The following EEFSEC variants were observed in gnomAD, a reference collection of about 807,000 sequenced individuals.
EEFSEC encodes eukaryotic elongation factor, selenocysteine-tRNA specific.
Under a neutral mutation model 42.1 loss-of-function variants are expected in EEFSEC, and 43 were observed. That is an observed-to-expected ratio of 1.02 (90% CI 0.80 to 1.32). EEFSEC has a LOEUF of 1.32. Ranked by LOEUF, EEFSEC falls within the 40% of genes most tolerant of loss-of-function variation. The pLI is 0.00. For synonymous variants in EEFSEC, 354 were observed against 339.1 expected, an observed-to-expected ratio of 1.04 and a Z score of -0.48; for missense variants, 745 against 803.6, an observed-to-expected ratio of 0.93 and a Z score of 0.88.
intron 6 of EEFSEC, among the ~76,000 whole-genome samples, chr3:128,403,760 G>A (rs2068075830): frequency 6.6e-6 from 1 of 152,134 alleles, no homozygotes; most frequent in African/African-American, 2.4e-5. Flanking sequence ...TCTATGGCTG[G>A]TCCCCGTCAT....
chr3:128,416,189 G>GA, the EEFSEC span, among the ~76,000 whole-genome samples: 1 of 152,150 alleles, frequency 6.6e-6, no homozygotes, highest in African/African-American at 2.4e-5. Context: ...GCCCACCGGA[G>GA]AAGCACCCAC....
At chr3:128,164,217 A>G (rs2065222815) in intron 1 of EEFSEC, among the ~76,000 whole-genome samples, 1 of 152,164 alleles carries the variant, frequency 6.6e-6, no homozygotes, top group Non-Finnish European at 1.5e-5. Context: ...TACACGTTGC[A>G]TGGCTTTGTT....
chr3:128,342,885 C>T (rs570501695), intron 5 of EEFSEC, among the ~76,000 whole-genome samples: 61 of 152,346 alleles, frequency 4.0e-4, no homozygotes, highest in African/African-American at 1.4e-3. Context: ...AATCCATGCC[C>T]ATCGGGCCTT....
At chr3:128,351,876 G>A (rs1017524417) in intron 5 of EEFSEC, among the ~76,000 whole-genome samples, 1 of 152,186 alleles carries the variant, frequency 6.6e-6, no homozygotes, top group Non-Finnish European at 1.5e-5. Context: ...CCCACTTAGC[G>A]CCATTGTTGT....
intron 1 of EEFSEC, among the ~76,000 whole-genome samples, chr3:128,233,649 A>G (rs2065980487): frequency 6.6e-6 from 1 of 152,216 alleles, no homozygotes; most frequent in South Asian, 2.1e-4. Context: ...TACATTAGAT[A>G]GGTCCCTACC....
At chr3:128,396,335 C>T (rs1235712400) in intron 6 of EEFSEC, among the ~76,000 whole-genome samples, 1 of 152,204 alleles carries the variant, frequency 6.6e-6, no homozygotes, top group Non-Finnish European at 1.5e-5. Flanking sequence ...GACATGTGAT[C>T]TCTTCTCTGC....
intron 1 of EEFSEC, among the ~76,000 whole-genome samples, chr3:128,187,232 T>C (rs2107798503): frequency 6.6e-6 from 1 of 152,356 alleles, no homozygotes; most frequent in African/African-American, 2.4e-5. Context: ...TGATATTTAA[T>C]TGGTTCAGGG....
chr3:128,194,323 C>T (rs868408015), intron 1 of EEFSEC, among the ~76,000 whole-genome samples: 4 of 152,138 alleles, frequency 2.6e-5, no homozygotes, highest in Non-Finnish European at 1.5e-5. Flanking sequence ...TGTCCTGAGG[C>T]CATTGTTCTT....
At chr3:128,392,203 C>T (rs1030192515) in intron 6 of EEFSEC, among the ~76,000 whole-genome samples, 1 of 152,176 alleles carries the variant, frequency 6.6e-6, no homozygotes, top group African/African-American at 2.4e-5. Context: ...GGGAGTTAGG[C>T]AGAAGAGACC....
chr3:128,231,038 A>G (rs1455642876), intron 1 of EEFSEC, among the ~76,000 whole-genome samples: 2 of 152,110 alleles, frequency 1.3e-5, no homozygotes, highest in Non-Finnish European at 2.9e-5. Context: ...TTCTAGCTAT[A>G]GGACTGCACT....
At chr3:128,297,770 T>TAA (rs10634924) in intron 4 of EEFSEC, among the ~76,000 whole-genome samples, 127,463 of 152,116 alleles carry the variant, frequency 0.84, 53,903 homozygotes, top group East Asian at 0.99. Flanking sequence ...ATCAACATGT[T>TAA]GTTATAAAAT....
intron 4 of EEFSEC, among the ~76,000 whole-genome samples, chr3:128,292,331 A>G (rs2066652587): frequency 6.6e-6 from 1 of 152,068 alleles, no homozygotes; most frequent in Non-Finnish European, 1.5e-5. Flanking sequence ...TTCTGGCCTC[A>G]TAAAAAGAGA....
intron 1 of EEFSEC, among the ~76,000 whole-genome samples, chr3:128,187,987 T>C (rs1038818709): frequency 1.3e-5 from 2 of 152,116 alleles, no homozygotes; most frequent in African/African-American, 4.8e-5. Flanking sequence ...GTGAAGCAGG[T>C]TGGAAGCAGA....
intron 4 of EEFSEC, among the ~76,000 whole-genome samples, chr3:128,284,047 T>A (rs371391900): frequency 6.6e-6 from 1 of 152,126 alleles, no homozygotes; most frequent in East Asian, 1.9e-4. Context: ...TTCCTGTGAG[T>A]AACATACACG....
intron 4 of EEFSEC, among the ~76,000 whole-genome samples, chr3:128,291,046 G>A (rs2066639387): frequency 6.6e-6 from 1 of 151,804 alleles, no homozygotes; most frequent in Admixed American, 6.6e-5. Context: ...CACCGTGCCC[G>A]GCCTGTTTTA....
chr3:128,324,126 G>C (rs930245881), intron 4 of EEFSEC, among the ~76,000 whole-genome samples: 1 of 152,178 alleles, frequency 6.6e-6, no homozygotes, highest in African/African-American at 2.4e-5. Context: ...CTGGGAGTGG[G>C]GTGAATGCTA....
Position 128,341,640 on chromosome 3 carries a change from C to T in EEFSEC, c.1194C>T (p.Ala398=), listed in dbSNP as rs764563444. ...ACAATGATGAGGCCGACAAGAAGGC[C>T]GGCCAGGCCACAGAGGGCCATTGTC... ...VTDNDEADKK[A]GQATEGHCPR... Residue 398 remains alanine, a synonymous_variant, in exon 5 of 7, where the codon GCC becomes GCT. Coordinates refer to ENST00000254730, the MANE Select transcript of EEFSEC (RefSeq NM_021937.5). The T allele has an allele frequency of 1.1e-5, 17 of 1,613,968 alleles. No homozygotes were observed. The highest frequency in any genetic ancestry group is 1.6e-4 in the Middle Eastern group (1 of 6,084).
At chr3:128,185,153 T>A (rs187722972) in intron 1 of EEFSEC, among the ~76,000 whole-genome samples, 20 of 152,352 alleles carry the variant, frequency 1.3e-4, no homozygotes, top group Non-Finnish European at 2.5e-4. Flanking sequence ...CTGAACTGAC[T>A]GAATCTTTTA....
chr3:128,173,360 A>C (rs2065317920), intron 1 of EEFSEC, among the ~76,000 whole-genome samples: 1 of 152,110 alleles, frequency 6.6e-6, no homozygotes, highest in South Asian at 2.1e-4. Flanking sequence ...AATGGGACAG[A>C]TGTTTTGTGG....
Sources: gnomAD v4.1 joint callset for allele counts (sites outside exome capture counted in the v4.1 genomes callset) on GRCh38, gnomAD v4.1.1 for gene constraint, MANE v1.5 for transcripts, NCBI Gene and HGNC (gene_info 2026-07-23, HGNC 2026-07-21) for gene names.